The following DUSP22 variants were observed in gnomAD, a reference collection of about 807,000 sequenced individuals.
DUSP22 encodes the protein dual specificity phosphatase 22, also known as dual specificity protein phosphatase 22.
A neutral mutation model predicts 24.5 loss-of-function variants in DUSP22; 24 were observed. The ratio of observed to expected loss-of-function variants is 0.98; its 90% CI spans 0.71 to 1.38. The LOEUF is 1.38. Among genes scored for constraint, DUSP22 ranks in the 40% most tolerant of loss-of-function variants. The pLI is 0.00. For synonymous variants in DUSP22, 160 were observed against 106.4 expected, an observed-to-expected ratio of 1.50 and a Z score of -3.10; for missense variants, 330 against 269.2, an observed-to-expected ratio of 1.23 and a Z score of -1.58.
chr6:302,238 G>A (rs377383500), intron 1 of DUSP22, among the ~76,000 whole-genome samples: 63 of 152,404 alleles, frequency 4.1e-4, no homozygotes, highest in African/African-American at 9.6e-4. Flanking sequence ...AAGTTAAAAC[G>A]CGTAAGATCG....
At chr6:319,087 T>C in intron 3 of DUSP22, among the ~76,000 whole-genome samples, 1 of 151,840 alleles carries the variant, frequency 6.6e-6, no homozygotes, top group East Asian at 1.9e-4. Context: ...CCTAGAGAAC[T>C]AGAATGGGAG....
In DUSP22 at chr6:349,870, G is replaced by A. The variant is rs1188706504; in HGVS notation, c.*919G>A. On this transcript the variant is annotated 3_prime_UTR_variant, in exon 7 of 7. Coordinates refer to ENST00000419235, the MANE Select transcript of DUSP22 (RefSeq NM_001286555.3). ...AGGCGCACTTTAGCCTAAGTTGGGT[G>A]CCCCAGGGCACCCCCTCCTCTCTGC... The A allele has an allele frequency of 2.0e-6, 2 of 985,968 alleles. No homozygotes were observed. Among genetic ancestry groups the A allele is most frequent in the African/African-American group, 1.7e-5 (1 of 57,404 alleles). 61.1% of individuals were successfully genotyped at this position (985,968 alleles called of 1,614,324 possible).
chr6:330,582 T>A (rs1037212788), intron 3 of DUSP22, among the ~76,000 whole-genome samples: 3 of 152,422 alleles, frequency 2.0e-5, no homozygotes, highest in African/African-American at 7.2e-5. Context: ...TTAAGTGTAA[T>A]CTTTAGTTTC....
intron 3 of DUSP22, 98 bp downstream of exon 3, chr6:312,060 A>G (rs1758135256): frequency 7.8e-7 from 1 of 1,280,220 alleles, no homozygotes; most frequent in South Asian, 1.4e-5. Flanking sequence ...CTCCAATGCG[A>G]ACGTACTCCT....
chr6:327,323 A>G (rs1448505743), intron 3 of DUSP22, among the ~76,000 whole-genome samples: 1 of 152,304 alleles, frequency 6.6e-6, no homozygotes, highest in Non-Finnish European at 1.5e-5. Flanking sequence ...CCCCATTTAC[A>G]GCTGGAGGAG....
intron 2 of DUSP22, among the ~76,000 whole-genome samples, chr6:306,932 G>A (rs1417803620): frequency 6.6e-6 from 1 of 152,306 alleles, no homozygotes; most frequent in African/African-American, 2.4e-5. Context: ...CAGACAATGG[G>A]TGATGCCCTC....
intron 2 of DUSP22, among the ~76,000 whole-genome samples, chr6:306,904 G>C (rs1757835543): frequency 6.6e-6 from 1 of 152,308 alleles, no homozygotes; most frequent in African/African-American, 2.4e-5. Flanking sequence ...GTCTCACAGG[G>C]CTGTAGCGGG....
intron 3 of DUSP22, among the ~76,000 whole-genome samples, chr6:334,223 G>A (rs565985180): frequency 4.1e-4 from 63 of 152,392 alleles, no homozygotes; most frequent in East Asian, 3.1e-3. Flanking sequence ...TCTGTGACAC[G>A]GTGGCAAGAT....
At chr6:330,430 CCTT>C (rs1269576966) in intron 3 of DUSP22, among the ~76,000 whole-genome samples, 8 of 152,418 alleles carry the variant, frequency 5.2e-5, no homozygotes, top group South Asian at 2.1e-4. Flanking sequence ...AGAAGACTCT[CCTT>C]CTTACAACGC....
At chr6:329,744 G>C (rs1759057810) in intron 3 of DUSP22, among the ~76,000 whole-genome samples, 1 of 152,308 alleles carries the variant, frequency 6.6e-6, no homozygotes, top group African/African-American at 2.4e-5. Flanking sequence ...GAGCCACCAT[G>C]CCCAGCCTAC....
chr6:302,697 T>C (rs1157403850), intron 1 of DUSP22, among the ~76,000 whole-genome samples: 1 of 152,302 alleles, frequency 6.6e-6, no homozygotes, highest in East Asian at 1.9e-4. Context: ...CTAGAAACAT[T>C]TTGATCTAGA....
At position 348,487 on chromosome 6, in the gene DUSP22, C is replaced by T. The variant is rs1437428435; in HGVS notation, c.435+213C>T. On this transcript the variant is annotated intron_variant, in intron 6 of 6. Coordinates refer to ENST00000419235, the MANE Select transcript of DUSP22 (RefSeq NM_001286555.3). Reference sequence around the variant, plus strand: ...CAGGCGCCTACCCTTTGTCATTCTCCTTGTGCCTGGTACTCCCTACTAGTT... The same window carrying T: ...CAGGCGCCTACCCTTTGTCATTCTCTTTGTGCCTGGTACTCCCTACTAGTT... 4 of 885,222 alleles carry T rather than the reference C, an allele frequency of 4.5e-6. No individual in the cohort carries two copies. The African/African-American group carries it at 5.1e-5, about 11-fold the overall frequency. The allele number at this position is 885,222 out of a possible 1,614,324, so 54.8% of individuals were successfully genotyped here.
At chr6:315,883 G>A (rs564699984) in intron 3 of DUSP22, among the ~76,000 whole-genome samples, 9 of 152,420 alleles carry the variant, frequency 5.9e-5, no homozygotes, top group East Asian at 5.8e-4. Context: ...CACAAGATAC[G>A]CGTTGTAGCT....
chr6:321,749 C>G (rs1758598800), intron 3 of DUSP22, among the ~76,000 whole-genome samples: 1 of 152,308 alleles, frequency 6.6e-6, no homozygotes, highest in Admixed American at 6.5e-5. Context: ...AAGGAACAAT[C>G]CATTGAGAAG....
In DUSP22 at chr6:349,096, C is replaced by A. The variant is rs1010525971; in HGVS notation, c.*145C>A. ...GAGGGCTCCTTCCCCCAAGCAACAC[C>A]GCCCAGCCCTGCTCCAGGCCCCTGC... On this transcript the variant is annotated 3_prime_UTR_variant, in exon 7 of 7. Coordinates refer to ENST00000419235, the MANE Select transcript of DUSP22 (RefSeq NM_001286555.3). 2 of 1,458,022 alleles carry A rather than the reference C, an allele frequency of 1.4e-6. No homozygotes were observed. The highest frequency in any genetic ancestry group is 1.8e-6 in the Non-Finnish European group (2 of 1,109,020). 90.3% of individuals were successfully genotyped at this position (1,458,022 alleles called of 1,614,324 possible). A position where few individuals can be genotyped will look rare whatever the true frequency, so the allele number is the denominator to read the frequency against.
intron 3 of DUSP22, chr6:320,460 A>T (rs1159775576): frequency 6.5e-6 from 1 of 153,040 alleles, no homozygotes; most frequent in East Asian, 1.9e-4. Flanking sequence ...ATCTGCCAGG[A>T]TATCGAAACC....
intron 4 of DUSP22, among the ~76,000 whole-genome samples, chr6:341,663 G>A (rs1035506539): frequency 1.4e-4 from 22 of 152,412 alleles, no homozygotes; most frequent in Non-Finnish European, 2.5e-4. Context: ...GGGTGGCGCC[G>A]CGAATGGCCC....
At position 350,091 on chromosome 6, in the gene DUSP22, A is replaced by G. The variant is rs1208257973; in HGVS notation, c.*1140A>G. The G allele has an allele frequency of 4.1e-6, 4 of 985,896 alleles. No homozygotes were observed. The highest frequency in any genetic ancestry group is 1.7e-5 in the African/African-American group (1 of 57,284). 61.1% of individuals were successfully genotyped at this position (985,896 alleles called of 1,614,324 possible). On this transcript the variant is annotated 3_prime_UTR_variant, in exon 7 of 7. Coordinates refer to ENST00000419235, the MANE Select transcript of DUSP22 (RefSeq NM_001286555.3). ...TTGGGTTTGATAATTGATCTGAGCT[A>G]CCTCATTGAATGTTTTTGGAAAGGT...
intron 4 of DUSP22, among the ~76,000 whole-genome samples, chr6:342,133 C>T (rs1368804116): frequency 1.3e-5 from 2 of 152,310 alleles, no homozygotes; most frequent in Non-Finnish European, 2.9e-5. Flanking sequence ...ATCCTGTCCC[C>T]ACTCAGATGG....
Sources: gnomAD v4.1 joint callset for allele counts (sites outside exome capture counted in the v4.1 genomes callset) on GRCh38, gnomAD v4.1.1 for gene constraint, MANE v1.5 for transcripts, NCBI Gene and HGNC (gene_info 2026-07-23, HGNC 2026-07-21) for gene names.